Variants in RPS6KC1 observed in about 807,000 individuals in gnomAD.
RPS6KC1 encodes ribosomal protein S6 kinase C1.
RPS6KC1 carries 54 observed loss-of-function variants against 103.8 expected under a neutral mutation model. That is an observed-to-expected ratio of 0.52 (90% CI 0.42 to 0.65). The LOEUF is 0.65. Ranked by LOEUF, RPS6KC1 falls within the 30% of genes least tolerant of loss-of-function variation. The pLI, the probability that RPS6KC1 is intolerant of heterozygous loss-of-function variation, is 0.00. For synonymous variants in RPS6KC1, 439 were observed against 438.7 expected (o/e 1.00, Z -0.01); for missense variants, 1,151 against 1,253.8 (o/e 0.92, Z 1.24).
the RPS6KC1 span, among the ~76,000 whole-genome samples, chr1:213,719,418 T>C: frequency 6.6e-6 from 1 of 152,140 alleles, no homozygotes; most frequent in African/African-American, 2.4e-5. Context: ...TAAACTGATT[T>C]TTTACTGTGA....
the RPS6KC1 span, among the ~76,000 whole-genome samples, chr1:213,857,889 C>T: frequency 6.6e-6 from 1 of 152,200 alleles, no homozygotes; most frequent in Admixed American, 6.5e-5. Flanking sequence ...GGCCATCAGT[C>T]TCCCAAGGGT....
chr1:213,377,675 A>G, the RPS6KC1 span, among the ~76,000 whole-genome samples: 15 of 152,200 alleles, frequency 9.9e-5, no homozygotes, highest in African/African-American at 3.4e-4. Flanking sequence ...CTGGAGCTGT[A>G]TTTAATTTTG....
chr1:213,108,689 T>G (rs1010719995), intron 4 of RPS6KC1, among the ~76,000 whole-genome samples: 7 of 151,732 alleles, frequency 4.6e-5, no homozygotes, highest in Non-Finnish European at 1.0e-4. Flanking sequence ...GGGTCTCACT[T>G]TTTTCACCGA....
At chr1:213,225,874 A>AT (rs2093948494) in intron 8 of RPS6KC1, among the ~76,000 whole-genome samples, 1 of 152,168 alleles carries the variant, frequency 6.6e-6, no homozygotes, top group Non-Finnish European at 1.5e-5. Flanking sequence ...GTTCTACTTT[A>AT]TATAGATATG....
chr1:213,128,556 T>A (rs895921979), intron 5 of RPS6KC1, among the ~76,000 whole-genome samples: 1 of 152,200 alleles, frequency 6.6e-6, no homozygotes, highest in South Asian at 2.1e-4. Flanking sequence ...TTATATGAAC[T>A]AGGAGAAGGA....
intron 6 of RPS6KC1, among the ~76,000 whole-genome samples, chr1:213,152,214 C>T (rs1486914616): frequency 1.1e-4 from 16 of 143,880 alleles, no homozygotes; most frequent in African/African-American, 3.4e-4. Flanking sequence ...GACGGGGCGG[C>T]TGGCCGGGCG....
At chr1:213,358,047 T>G in the RPS6KC1 span, among the ~76,000 whole-genome samples, 421 of 152,366 alleles carry the variant, frequency 2.8e-3, 2 homozygotes, top group African/African-American at 9.5e-3. Flanking sequence ...AGTATTTTAT[T>G]GAGGATTTTT....
the RPS6KC1 span, among the ~76,000 whole-genome samples, chr1:213,770,142 T>C: frequency 6.6e-6 from 1 of 152,198 alleles, no homozygotes; most frequent in Admixed American, 6.5e-5. Flanking sequence ...AAATTCCTGA[T>C]TCTGGCCATT....
chr1:213,319,530 C>T, the RPS6KC1 span, among the ~76,000 whole-genome samples: 2 of 152,178 alleles, frequency 1.3e-5, no homozygotes, highest in Non-Finnish European at 1.5e-5. Context: ...GCTGTTGTCA[C>T]CTTTCCCTTA....
the RPS6KC1 span, among the ~76,000 whole-genome samples, chr1:213,282,787 AG>A: frequency 6.6e-6 from 1 of 152,350 alleles, no homozygotes; most frequent in Non-Finnish European, 1.5e-5. Context: ...ACACTGTCCA[AG>A]GCATGGAGGG....
chr1:213,408,914 G>A, the RPS6KC1 span, among the ~76,000 whole-genome samples: 1 of 152,162 alleles, frequency 6.6e-6, no homozygotes, highest in Non-Finnish European at 1.5e-5. Flanking sequence ...CAGAACGGTA[G>A]AGAACTATCG....
chr1:213,396,778 C>T, the RPS6KC1 span, among the ~76,000 whole-genome samples: 830 of 152,276 alleles, frequency 5.5e-3, 15 homozygotes, highest in Non-Finnish European at 5.8e-3. Context: ...CTGTGCTCAT[C>T]GCTGGGAAGC....
At chr1:213,603,732 T>C in the RPS6KC1 span, among the ~76,000 whole-genome samples, 1 of 151,932 alleles carries the variant, frequency 6.6e-6, no homozygotes. Flanking sequence ...TCATGGTGCA[T>C]GCCTGTAATC....
At chr1:213,317,614 A>G in the RPS6KC1 span, among the ~76,000 whole-genome samples, 1 of 152,208 alleles carries the variant, frequency 6.6e-6, no homozygotes, top group Non-Finnish European at 1.5e-5. Context: ...GGGGAGGGGG[A>G]CAAAAACATT....
the RPS6KC1 span, among the ~76,000 whole-genome samples, chr1:213,355,436 A>G: frequency 6.6e-6 from 1 of 152,096 alleles, no homozygotes; most frequent in Non-Finnish European, 1.5e-5. Flanking sequence ...AGGGGTCTAT[A>G]CACTAGCACG....
At chr1:213,332,702 G>A in the RPS6KC1 span, among the ~76,000 whole-genome samples, 2 of 152,172 alleles carry the variant, frequency 1.3e-5, no homozygotes, top group Non-Finnish European at 2.9e-5. Context: ...TGGAGGGGGT[G>A]TCTTCTCTGC....
chr1:213,316,109 G>C, the RPS6KC1 span, among the ~76,000 whole-genome samples: 1 of 152,122 alleles, frequency 6.6e-6, no homozygotes, highest in African/African-American at 2.4e-5. Context: ...GGGATCATGG[G>C]GGCAGTTTCC....
the RPS6KC1 span, among the ~76,000 whole-genome samples, chr1:213,680,961 A>G: frequency 0.11 from 16,636 of 152,258 alleles, 1,106 homozygotes; most frequent in Non-Finnish European, 0.14. Context: ...TGCATTAAAC[A>G]TTCAGTCTGA....
the RPS6KC1 span, among the ~76,000 whole-genome samples, chr1:213,309,346 A>G: frequency 1.3e-5 from 2 of 152,148 alleles, no homozygotes; most frequent in Non-Finnish European, 2.9e-5. Flanking sequence ...GAAGAAGACA[A>G]ATGGAAATGG....
Sources: allele counts gnomAD v4.1 joint callset (sites outside exome capture counted in the v4.1 genomes callset), GRCh38; gene constraint gnomAD v4.1.1; transcripts MANE v1.5; gene names NCBI Gene and HGNC (gene_info 2026-07-23, HGNC 2026-07-21).